AUTS2: variants seen among roughly 807,000 people sequenced by gnomAD.
The protein encoded by AUTS2 is autism susceptibility gene 2 protein.
AUTS2 carries 17 observed loss-of-function variants against 112.4 expected under a neutral mutation model. The ratio of observed to expected loss-of-function variants is 0.15; its 90% confidence interval spans 0.10 to 0.23. The LOEUF is 0.23. AUTS2 is among the 10% of genes least tolerant of loss of function. The pLI, the probability that AUTS2 is intolerant of heterozygous loss-of-function variation, is 1.00. For missense variants in AUTS2, 1,510 were observed against 1,701.6 expected (o/e 0.89, Z 1.98); for synonymous variants, 751 against 702.7 (o/e 1.07, Z -1.09).
In AUTS2 at chr7:70,626,388, T is replaced by C. The variant is rs1162916860; in HGVS notation, c.691-72181T>C. On this transcript the variant is annotated intron_variant, in intron 5 of 18. Transcript: ENST00000342771. ...AAAAAAAAAAAAAAAAAAAAAATTA[T>C]GTAAAAACTTTTTTTTTTCTTTTAA... 1.6e-3 allele frequency among the ~76,000 whole-genome samples: 237 copies of C among 145,724 alleles called. 1 individual carries two copies. The highest frequency in any genetic ancestry group is 2.4e-3 in the Non-Finnish European group (155 of 65,956).
intron 1 of AUTS2, among the ~76,000 whole-genome samples, chr7:69,784,966 G>A (rs572800288): frequency 6.6e-6 from 1 of 152,274 alleles, no homozygotes; most frequent in Admixed American, 6.5e-5. Context: ...CTCTAGCCAA[G>A]GGGGTGGTGG....
chr7:70,455,304 C>T (rs1291926609), intron 5 of AUTS2, among the ~76,000 whole-genome samples: 1 of 152,146 alleles, frequency 6.6e-6, no homozygotes, highest in Non-Finnish European at 1.5e-5. Context: ...TGTGGTGGGG[C>T]CTGGACCACC....
chr7:70,185,470 T>C (rs1248001290), intron 4 of AUTS2, among the ~76,000 whole-genome samples: 1 of 152,058 alleles, frequency 6.6e-6, no homozygotes. Flanking sequence ...CTGAGGCCTT[T>C]CCCAGTTTGT....
intron 5 of AUTS2, among the ~76,000 whole-genome samples, chr7:70,620,441 G>A (rs967009501): frequency 6.6e-6 from 1 of 152,104 alleles, no homozygotes; most frequent in African/African-American, 2.4e-5. Context: ...ATGGGCATCG[G>A]TGTGCAGTAG....
At chr7:69,677,657 G>A (rs1796617810) in intron 1 of AUTS2, among the ~76,000 whole-genome samples, 1 of 152,122 alleles carries the variant, frequency 6.6e-6, no homozygotes, top group African/African-American at 2.4e-5. Context: ...TTTTATTTTG[G>A]TGTTTTTCAG....
chr7:70,575,572 C>T (rs4718966), intron 5 of AUTS2, among the ~76,000 whole-genome samples: 58,916 of 152,056 alleles, frequency 0.39, 12,190 homozygotes, highest in East Asian at 0.68. Flanking sequence ...TCTGCTGGCA[C>T]CTGACACTTT....
At chr7:70,566,162 G>C (rs978777721) in intron 5 of AUTS2, among the ~76,000 whole-genome samples, 1 of 152,184 alleles carries the variant, frequency 6.6e-6, no homozygotes, top group Non-Finnish European at 1.5e-5. Context: ...CTCTAATTCA[G>C]CCTCTGCCAA....
At chr7:70,125,906 C>G (rs1269545101) in intron 3 of AUTS2, among the ~76,000 whole-genome samples, 1 of 152,186 alleles carries the variant, frequency 6.6e-6, no homozygotes, top group Non-Finnish European at 1.5e-5. Flanking sequence ...CATCATGCCC[C>G]TGACTCGTTT....
intron 1 of AUTS2, among the ~76,000 whole-genome samples, chr7:69,686,743 G>A (rs1012301867): frequency 3.9e-5 from 6 of 152,026 alleles, no homozygotes; most frequent in African/African-American, 1.4e-4. Flanking sequence ...TATAGCTTTT[G>A]TCAGATTCTC....
chr7:70,153,156 T>C (rs1807538963), intron 4 of AUTS2, among the ~76,000 whole-genome samples: 1 of 152,184 alleles, frequency 6.6e-6, no homozygotes, highest in Non-Finnish European at 1.5e-5. Context: ...TAGCCCCAAA[T>C]TGGAAATTGG....
intron 4 of AUTS2, among the ~76,000 whole-genome samples, chr7:70,419,017 C>T (rs1353843886): frequency 2.0e-5 from 3 of 151,914 alleles, no homozygotes; most frequent in East Asian, 1.9e-4. Context: ...CTATCACCCC[C>T]GTTTTATTGA....
intron 4 of AUTS2, among the ~76,000 whole-genome samples, chr7:70,171,664 C>T (rs1022490387): frequency 2.6e-5 from 4 of 152,130 alleles, no homozygotes; most frequent in Non-Finnish European, 4.4e-5. Context: ...AAATTGCCAA[C>T]AGTGAAAAGC....
At chr7:69,986,245 C>A (rs1293847551) in intron 2 of AUTS2, among the ~76,000 whole-genome samples, 1 of 152,192 alleles carries the variant, frequency 6.6e-6, no homozygotes, top group African/African-American at 2.4e-5. Context: ...TTAACTGTTA[C>A]ATCCCCAGCA....
chr7:70,345,934 G>C (rs1220947256), intron 4 of AUTS2, among the ~76,000 whole-genome samples: 2 of 152,068 alleles, frequency 1.3e-5, no homozygotes, highest in African/African-American at 4.8e-5. Context: ...CCAGTGTCCT[G>C]AATCTGTGGT....
rs933021580 is a variant in AUTS2 at position 70,160,135 on chromosome 7, T to C, written c.660+25564T>C. Among the ~76,000 whole-genome samples, 8 of 152,304 alleles carry C rather than the reference T, an allele frequency of 5.3e-5. No homozygotes were observed. In the East Asian group the frequency reaches 1.2e-3, roughly 22 times the overall value. ...AGCAACATCCATAATTTAAGTGATA[T>C]TTGCCCAAATATTATCTGTACTCCC... On this transcript the variant is annotated intron_variant, in intron 4 of 18. Coordinates refer to ENST00000342771, the MANE Select transcript of AUTS2 (RefSeq NM_015570.4).
At position 69,836,698 on chromosome 7, in the gene AUTS2, G is replaced by A. The variant is rs1791740070; in HGVS notation, c.310-62588G>A. Among the ~76,000 whole-genome samples, 4 of 152,086 alleles carry A rather than the reference G, an allele frequency of 2.6e-5. No individual in the cohort carries two copies. The South Asian group carries it at 8.3e-4, about 32-fold the overall frequency. On this transcript the variant is annotated intron_variant, in intron 1 of 18. Coordinates refer to ENST00000342771, the MANE Select transcript of AUTS2 (RefSeq NM_015570.4). ...CAGAGAGTTTTGCCATGGGTGTTTG[G>A]GAAAACTGCATTTACTTTCTGCACA...
chr7:70,367,078 A>G (rs1244050498), intron 4 of AUTS2, among the ~76,000 whole-genome samples: 1 of 152,064 alleles, frequency 6.6e-6, no homozygotes, highest in African/African-American at 2.4e-5. Context: ...TAAGGCCAGG[A>G]GTTTTAGACC....
At chr7:70,365,268 C>T (rs1562911814) in intron 4 of AUTS2, among the ~76,000 whole-genome samples, 1 of 152,080 alleles carries the variant, frequency 6.6e-6, no homozygotes, top group Non-Finnish European at 1.5e-5. Flanking sequence ...TTCTCATTTC[C>T]CGTTAGGTCA....
chr7:69,900,152 T>C (rs899108107), intron 2 of AUTS2, among the ~76,000 whole-genome samples: 1 of 152,220 alleles, frequency 6.6e-6, no homozygotes, highest in African/African-American at 2.4e-5. Context: ...TTGGGAAGCC[T>C]TTCTGCCTGT....
Sources: allele counts gnomAD v4.1 joint callset (sites outside exome capture counted in the v4.1 genomes callset), GRCh38; gene constraint gnomAD v4.1.1; transcripts MANE v1.5; gene names NCBI Gene and HGNC (gene_info 2026-07-23, HGNC 2026-07-21).